The following MYO3A variants were observed in gnomAD, a reference collection of about 807,000 sequenced individuals.
MYO3A encodes the protein myosin IIIA.
MYO3A carries 180 observed loss-of-function variants against 192.7 expected under a neutral mutation model. That is an observed-to-expected ratio of 0.93 (90% CI 0.83 to 1.06). The LOEUF is 1.06. Ranked by LOEUF, MYO3A falls within the 50% of genes least tolerant of loss-of-function variation. MYO3A has a pLI of 0.00. For missense variants in MYO3A, 1,896 were observed against 1,905.0 expected (o/e 1.00, Z 0.09); for synonymous variants, 628 against 645.3 (o/e 0.97, Z 0.41).
At chr10:26,174,703 G>A (rs1842230687) in intron 30 of MYO3A, 146 bp downstream of exon 30, 2 of 731,604 alleles carry the variant, frequency 2.7e-6, no homozygotes, top group Non-Finnish European at 4.5e-6. Context: ...CTCAGGGATT[G>A]TGCTATTCAA....
At chr10:25,940,050 G>A (rs888923009) in intron 2 of MYO3A, among the ~76,000 whole-genome samples, 8 of 151,852 alleles carry the variant, frequency 5.3e-5, no homozygotes, top group African/African-American at 1.9e-4. Flanking sequence ...AGGATTACAT[G>A]GTACCATTAT....
chr10:25,996,403 T>C (rs2130899702), intron 4 of MYO3A, 87 bp from the exon 5 acceptor site: 8 of 1,094,058 alleles, frequency 7.3e-6, no homozygotes, highest in Non-Finnish European at 1.1e-5. Context: ...ATTGGAACAC[T>C]TTTAAAAATG....
At chr10:26,102,303 C>A (rs1837506207) in intron 17 of MYO3A, among the ~76,000 whole-genome samples, 1 of 152,116 alleles carries the variant, frequency 6.6e-6, no homozygotes, top group Non-Finnish European at 1.5e-5. Flanking sequence ...TTTGTCTAAT[C>A]TTTTTTCAAG....
intron 17 of MYO3A, among the ~76,000 whole-genome samples, chr10:26,106,684 A>T (rs73610392): frequency 6.6e-6 from 1 of 152,042 alleles, no homozygotes; most frequent in African/African-American, 2.4e-5. Flanking sequence ...TGTTATTAGG[A>T]ATTCTGCTGA....
chr10:26,183,156 C>T (rs1272178055), intron 31 of MYO3A, among the ~76,000 whole-genome samples: 1 of 152,162 alleles, frequency 6.6e-6, no homozygotes, highest in African/African-American at 2.4e-5. Flanking sequence ...GCTTTATCCT[C>T]CTGCTTCTCC....
intron 20 of MYO3A, among the ~76,000 whole-genome samples, chr10:26,141,838 T>G (rs1006536815): frequency 6.6e-6 from 1 of 152,216 alleles, no homozygotes; most frequent in African/African-American, 2.4e-5. Context: ...TGCATTAGAT[T>G]TCATTTTATT....
intron 2 of MYO3A, among the ~76,000 whole-genome samples, chr10:25,943,376 C>T (rs1836627241): frequency 1.3e-5 from 2 of 151,970 alleles, no homozygotes; most frequent in Admixed American, 6.6e-5. Context: ...TTTGAGATTC[C>T]ATATGAGTTT....
At chr10:25,980,197 A>G (rs1253110999) in intron 4 of MYO3A, among the ~76,000 whole-genome samples, 1 of 151,268 alleles carries the variant, frequency 6.6e-6, no homozygotes, top group Non-Finnish European at 1.5e-5. Context: ...AGATCGCACC[A>G]CTGCACTCCA....
intron 10 of MYO3A, among the ~76,000 whole-genome samples, chr10:26,027,033 A>G (rs1441723557): frequency 6.6e-6 from 1 of 152,202 alleles, no homozygotes; most frequent in Non-Finnish European, 1.5e-5. Flanking sequence ...TGTAAACTTC[A>G]AAAGATCATT....
chr10:25,984,379 C>T (rs976184102), intron 4 of MYO3A, among the ~76,000 whole-genome samples: 33 of 152,122 alleles, frequency 2.2e-4, no homozygotes, highest in Admixed American at 1.9e-3. Context: ...TCACCTAACA[C>T]ATAAGAACTC....
Position 25,952,076 on chromosome 10 carries a change from T to C in MYO3A, c.-17-18T>C. The stretch of plus-strand genomic sequence containing the variant: ...ATCCTCAATCAACTGTAGATGAAAC[T>C]GTACTTCTTATCTCCAGGTTTTTAA... On this transcript the variant is annotated intron_variant, in intron 2 of 34. Transcript: ENST00000642920. The C allele has an allele frequency of 6.4e-7, 1 of 1,570,268 alleles. No individual in the cohort carries two copies. The highest frequency in any genetic ancestry group is 8.7e-7 in the Non-Finnish European group (1 of 1,143,122).
intron 10 of MYO3A, among the ~76,000 whole-genome samples, chr10:26,062,295 C>A (rs1186267748): frequency 1.3e-5 from 2 of 151,264 alleles, no homozygotes; most frequent in African/African-American, 4.9e-5. Flanking sequence ...CTGAGGTGGG[C>A]AGATCACGAG....
In MYO3A at chr10:26,026,416, A is replaced by G. The variant is rs76687548; in HGVS notation, c.837A>G (p.Ser279=). 6.2e-7 allele frequency: 1 copy of G among 1,614,168 alleles called. No individual in the cohort carries two copies. The highest frequency in any genetic ancestry group is 2.2e-5 in the East Asian group (1 of 44,862). Residue 279 remains serine, a synonymous_variant, in exon 10 of 35, where the codon TCA becomes TCG. Coordinates refer to ENST00000642920, the MANE Select transcript of MYO3A (RefSeq NM_017433.5). ...ATTATGAAAAGCGTCCAACAGTGTC[A>G]GAACTTTTACAGCATAAATTCATTA... ...TKDYEKRPTV[S]ELLQHKFITQ... is the part of the protein sequence containing the mutation.
intron 4 of MYO3A, among the ~76,000 whole-genome samples, chr10:25,988,720 A>G (rs1410640575): frequency 3.3e-5 from 5 of 152,156 alleles, no homozygotes. Flanking sequence ...TGGTTCATCC[A>G]TTCAGTAGAA....
chr10:25,992,233 C>G (rs1290795201), intron 4 of MYO3A, among the ~76,000 whole-genome samples: 1 of 152,126 alleles, frequency 6.6e-6, no homozygotes, highest in African/African-American at 2.4e-5. Flanking sequence ...CCTTCACATC[C>G]CTTGTAAGTT....
chr10:26,208,626 A>AG, intron 34 of MYO3A, among the ~76,000 whole-genome samples: 1 of 152,376 alleles, frequency 6.6e-6, no homozygotes, highest in East Asian at 1.9e-4. Flanking sequence ...TCAAGTCAGT[A>AG]ACTCAGAAGA....
At chr10:26,122,040 T>G (rs1039509110) in intron 18 of MYO3A, among the ~76,000 whole-genome samples, 1 of 152,200 alleles carries the variant, frequency 6.6e-6, no homozygotes, top group Non-Finnish European at 1.5e-5. Context: ...TTAAAAATTT[T>G]TAATTGGCAT....
chr10:26,165,154 G>GA (rs2131985233), intron 26 of MYO3A, among the ~76,000 whole-genome samples: 1 of 152,230 alleles, frequency 6.6e-6, no homozygotes, highest in East Asian at 1.9e-4. Context: ...TTTAGATGAG[G>GA]AAATTGATAC....
At chr10:25,941,072 C>G (rs1836457497) in intron 2 of MYO3A, among the ~76,000 whole-genome samples, 2 of 152,136 alleles carry the variant, frequency 1.3e-5, no homozygotes, top group Non-Finnish European at 2.9e-5. Flanking sequence ...CAGTTAATGC[C>G]ATATAGTTCA....
Sources: gnomAD v4.1 joint callset for allele counts (sites outside exome capture counted in the v4.1 genomes callset) on GRCh38, gnomAD v4.1.1 for gene constraint, MANE v1.5 for transcripts, NCBI Gene and HGNC (gene_info 2026-07-23, HGNC 2026-07-21) for gene names.